The following CHFR variants were observed in gnomAD, a reference collection of about 807,000 sequenced individuals.
The protein encoded by CHFR is E3 ubiquitin-protein ligase CHFR.
Under a neutral mutation model 87.6 loss-of-function variants are expected in CHFR, and 57 were observed. The ratio of observed to expected loss-of-function variants is 0.65; its 90% CI spans 0.53 to 0.81. The LOEUF is 0.81. Among genes scored for constraint, CHFR ranks in the 30% least tolerant of loss-of-function variants. The probability of loss-of-function intolerance (pLI) is 0.00; values close to 1 mark genes in which losing one functional copy is unlikely to be tolerated. For synonymous variants in CHFR, 381 were observed against 359.2 expected (o/e 1.06, Z -0.69); for missense variants, 797 against 865.8 (o/e 0.92, Z 1.00).
chr12:132,882,364 G>A (rs1411746046), intron 2 of CHFR, among the ~76,000 whole-genome samples: 7 of 152,168 alleles, frequency 4.6e-5, no homozygotes, highest in African/African-American at 2.4e-5. Context: ...GCCAGGAGCC[G>A]GGACTCAGGG....
intron 15 of CHFR, among the ~76,000 whole-genome samples, chr12:132,846,337 A>G (rs1950824510): frequency 6.9e-6 from 1 of 145,428 alleles, no homozygotes; most frequent in Non-Finnish European, 1.5e-5. Context: ...ATTTTGGCTC[A>G]CTGCAAGCTC....
intron 2 of CHFR, among the ~76,000 whole-genome samples, chr12:132,886,823 C>A (rs187354846): frequency 3.3e-5 from 5 of 152,186 alleles, no homozygotes; most frequent in Admixed American, 3.3e-4. Flanking sequence ...CTTATTTGAC[C>A]CACCGGTTGC....
chr12:132,861,038 C>CCACGGTGT (rs1384697476), intron 7 of CHFR, among the ~76,000 whole-genome samples: 1 of 152,160 alleles, frequency 6.6e-6, no homozygotes, highest in African/African-American at 2.4e-5. Flanking sequence ...TAGGCGGGAG[C>CCACGGTGT]CACGGTGTCA....
At chr12:132,868,090 T>C (rs927113130) in intron 6 of CHFR, 4 of 152,148 alleles carry the variant, frequency 2.6e-5, no homozygotes, top group African/African-American at 9.7e-5. Flanking sequence ...TTCTTCCCAA[T>C]GACCATGGAA....
Position 132,853,444 on chromosome 12 carries a change from G to T in CHFR, c.1359C>A (p.Val453=). ...QALGDAPSTS[V]SLTTAVQDYV... ...GGCGCGGCTCACCTGTCGTCAGGCTGACGGACGTGGAGGGTGCATCCCCCA... is the reference window on the plus strand; with the variant it reads ...GGCGCGGCTCACCTGTCGTCAGGCTTACGGACGTGGAGGGTGCATCCCCCA... The change falls in exon 11 of 18, where the codon GTC becomes GTA. Residue 453 remains valine, a synonymous_variant. Transcript: ENST00000450056. 1 of 1,524,910 alleles carries T rather than the reference G, an allele frequency of 6.6e-7. No individual in the cohort carries two copies. The highest frequency in any genetic ancestry group is 2.5e-5 in the East Asian group (1 of 39,850). The allele number at this position is 1,524,910 out of a possible 1,614,324, so 94.5% of individuals were successfully genotyped here. A position where few individuals can be genotyped will look rare whatever the true frequency, so the allele number is the denominator to read the frequency against.
At chr12:132,871,892 C>G (rs1392485399) in intron 4 of CHFR, 1 of 179,744 alleles carries the variant, frequency 5.6e-6, no homozygotes, top group East Asian at 1.5e-4. Context: ...TTACTGGAAT[C>G]CAGTCTAACC....
chr12:132,885,419 T>TATAAATAAATAAATAA (rs141735852), intron 2 of CHFR, among the ~76,000 whole-genome samples: 1 of 146,540 alleles, frequency 6.8e-6, no homozygotes, highest in Admixed American at 6.8e-5. Flanking sequence ...TCAAAAAATA[T>TATAAATAAATAAATAA]ATAAATAAAT....
chr12:132,875,666 GAC>G (rs1383326980), intron 3 of CHFR, among the ~76,000 whole-genome samples: 1 of 152,212 alleles, frequency 6.6e-6, no homozygotes. Flanking sequence ...GAGTAACACT[GAC>G]ACAGACTTCC....
chr12:132,858,725 TAAAAAAAAAAAAAAA>T (rs60137048), intron 8 of CHFR, among the ~76,000 whole-genome samples: 16 of 26,800 alleles, frequency 6.0e-4, no homozygotes, highest in African/African-American at 2.8e-3. Context: ...AGACTCCATC[TAAAAAAAAAAAAAAA>T]AAAAAAAAAA....
intron 1 of CHFR, 25 bp from the exon 2 acceptor site, chr12:132,887,365 T>C (rs1470098446): frequency 4.1e-5 from 55 of 1,340,682 alleles, no homozygotes; most frequent in Non-Finnish European, 5.3e-5. Context: ...GAAACGCCCA[T>C]GGAGACTCCC....
intron 15 of CHFR, 146 bp from the exon 16 acceptor site, chr12:132,844,280 C>T (rs1950763291): frequency 1.6e-6 from 1 of 606,994 alleles, no homozygotes; most frequent in Non-Finnish European, 3.1e-6. Flanking sequence ...CAAAGCCAAT[C>T]TAGATACGAA....
intron 13 of CHFR, 198 bp from the exon 14 acceptor site, chr12:132,848,353 T>A: frequency 2.0e-6 from 2 of 997,460 alleles, no homozygotes; most frequent in South Asian, 2.8e-5. Context: ...AAAGATCAGC[T>A]CTCCGAGTCT....
intron 3 of CHFR, among the ~76,000 whole-genome samples, chr12:132,876,797 T>C (rs1951640390): frequency 1.3e-5 from 2 of 152,126 alleles, no homozygotes; most frequent in African/African-American, 4.8e-5. Flanking sequence ...TAATAAACTT[T>C]TGTTTCGTTT....
At chr12:132,861,657 T>C (rs372011347) in intron 6 of CHFR, 23 bp from the exon 7 acceptor site, 147 of 1,611,616 alleles carry the variant, frequency 9.1e-5, no homozygotes, top group Admixed American at 3.3e-4. Context: ...TCAAACAAGA[T>C]AGGTGCTGAT....
intron 6 of CHFR, 82 bp from the exon 7 acceptor site, chr12:132,861,716 G>A: frequency 7.6e-7 from 1 of 1,316,016 alleles, no homozygotes; most frequent in South Asian, 1.3e-5. Flanking sequence ...ACTGACTGGA[G>A]CCCAGTGCAG....
intron 2 of CHFR, among the ~76,000 whole-genome samples, chr12:132,880,847 C>G (rs1373850634): frequency 6.6e-6 from 1 of 151,870 alleles, no homozygotes; most frequent in East Asian, 1.9e-4. Flanking sequence ...CGCCTATAAT[C>G]CCAGCTACAC....
At chr12:132,850,464 T>G (rs1163977358) in intron 12 of CHFR, among the ~76,000 whole-genome samples, 1 of 152,162 alleles carries the variant, frequency 6.6e-6, no homozygotes, top group Non-Finnish European at 1.5e-5. Flanking sequence ...TGGGACAAGC[T>G]GTTCTCTGTG....
chr12:132,886,374 CAA>C (rs10616057), intron 2 of CHFR, among the ~76,000 whole-genome samples: 80,934 of 147,558 alleles, frequency 0.55, 22,564 homozygotes, highest in South Asian at 0.76. Flanking sequence ...TGAAATTAAC[CAA>C]AAAAAAAAAA....
At chr12:132,842,946 T>A (rs1227124659) in intron 17 of CHFR, 65 bp downstream of exon 17, 2 of 1,354,828 alleles carry the variant, frequency 1.5e-6, no homozygotes, top group East Asian at 4.8e-5. Context: ...TCAGCCTATT[T>A]ATAAGCAGGC....
Sources: gnomAD v4.1 joint callset for allele counts (sites outside exome capture counted in the v4.1 genomes callset) on GRCh38, gnomAD v4.1.1 for gene constraint, MANE v1.5 for transcripts, NCBI Gene and HGNC (gene_info 2026-07-23, HGNC 2026-07-21) for gene names.